Variants in RPL31 observed in about 807,000 individuals in gnomAD.
RPL31 encodes the protein ribosomal protein L31.
For missense variants in RPL31, 95 were observed against 164.0 expected (o/e 0.58, Z 2.30); for synonymous variants, 51 against 55.0 (o/e 0.93, Z 0.32).
chr2:101,002,849 G>C (rs1043996332), intron 2 of RPL31, 41 bp downstream of exon 2: 1 of 1,458,194 alleles, frequency 6.9e-7, no homozygotes, highest in Non-Finnish European at 9.6e-7. Context: ...GAACTCACGC[G>C]TCTGGTTGTT....
rs143543375 is a variant in RPL31 at position 101,004,125 on chromosome 2, C to G, written c.108-33C>G. On this transcript the variant is annotated intron_variant, in intron 2 of 4. Transcript: ENST00000264258. ...CATGTACCTAATTTAGTTTTGTGCT[C>G]CTTTAATTTGTTCACTTATGTTTGA... 6.2e-6 allele frequency: 10 copies of G among 1,606,536 alleles called. No individual in the cohort carries two copies. In the South Asian group the frequency reaches 1.1e-4, roughly 18 times the overall value.
At chr2:101,015,046 ACAT>A (rs1679514327) in intron 4 of RPL31, among the ~76,000 whole-genome samples, 1 of 152,062 alleles carries the variant, frequency 6.6e-6, no homozygotes, top group Admixed American at 6.5e-5. Context: ...CATTGTGCAA[ACAT>A]CATACAGTGG....
downstream of RPL31, chr2:101,008,240 T>G (rs1352573898): frequency 6.4e-7 from 1 of 1,567,180 alleles, no homozygotes; most frequent in East Asian, 2.3e-5. Context: ...TGGAACATAC[T>G]GTACAGAGTT....
rs1305928935 is a variant in RPL31 at position 101,017,773 on chromosome 2, CA to C, written c.347-1221del. ...AGTGACAAAAAGGATAAGATGTTAC[CA>C]AAATCTTGACAAGCTCAGGACTTTT... On this transcript the variant is annotated intron_variant, in intron 4 of 4. Coordinates refer to the RPL31 transcript ENST00000409028. 37 of 1,468,426 alleles carry C rather than the reference CA, an allele frequency of 2.5e-5. No homozygotes were observed. In the Admixed American group the frequency reaches 2.7e-4, roughly 11 times the overall value. The allele number at this position is 1,468,426 out of a possible 1,614,324, so 91.0% of individuals were successfully genotyped here. A position where few individuals can be genotyped will look rare whatever the true frequency, so the allele number is the denominator to read the frequency against.
At chr2:101,014,834 T>G (rs921404840) in intron 4 of RPL31, among the ~76,000 whole-genome samples, 1 of 152,184 alleles carries the variant, frequency 6.6e-6, no homozygotes, top group East Asian at 1.9e-4. Flanking sequence ...ATAACTTGAG[T>G]GCCAAACTTC....
chr2:101,009,907 C>T (rs1188124330), downstream of RPL31, among the ~76,000 whole-genome samples: 2 of 151,004 alleles, frequency 1.3e-5, no homozygotes, highest in African/African-American at 2.4e-5. Context: ...CTGCAAGCTC[C>T]GCCTCCCGGG....
chr2:101,015,654 G>A (rs1015978653), intron 4 of RPL31, among the ~76,000 whole-genome samples: 18 of 152,182 alleles, frequency 1.2e-4, no homozygotes, highest in Middle Eastern at 3.4e-3. Context: ...GAGGCATCAC[G>A]CTACGTGACT....
In RPL31 at chr2:101,012,511, C is replaced by T. The variant is rs554104699; in HGVS notation, c.346+6440C>T. Among the ~76,000 whole-genome samples the T allele has an allele frequency of 2.1e-4, 32 of 152,000 alleles. No homozygotes were observed. The East Asian group carries it at 4.5e-3, about 21-fold the overall frequency. Reference sequence around the variant, plus strand: ...ATCTACAGAAACAGAAAGCTGCCTACGGCTGGGGAAAATGGATACACTGGT... The same window carrying T: ...ATCTACAGAAACAGAAAGCTGCCTATGGCTGGGGAAAATGGATACACTGGT... On this transcript the variant is annotated intron_variant, in intron 4 of 4. Coordinates refer to the RPL31 transcript ENST00000409028.
Position 101,006,469 on chromosome 2 carries a change from A to C in RPL31, c.*88A>C. 8.2e-7 allele frequency: 1 copy of C among 1,225,250 alleles called. No homozygotes were observed. The allele number at this position is 1,225,250 out of a possible 1,614,324, so 75.9% of individuals were successfully genotyped here. A position where few individuals can be genotyped will look rare whatever the true frequency, so the allele number is the denominator to read the frequency against. On this transcript the variant is annotated 3_prime_UTR_variant, in exon 5 of 5. Coordinates refer to ENST00000264258, the MANE Select transcript of RPL31 (RefSeq NM_000993.5). ...GCAACATAATGTACTTGTATACCCTATCCTAATTATGGGATCATTTGAAGA... is the reference window on the plus strand; with the variant it reads ...GCAACATAATGTACTTGTATACCCTCTCCTAATTATGGGATCATTTGAAGA...
intron 1 of RPL31, 63 bp from the exon 2 acceptor site, chr2:101,002,639 G>A: frequency 1.5e-6 from 2 of 1,326,332 alleles, no homozygotes; most frequent in South Asian, 2.4e-5. Context: ...GTGAGGCTGG[G>A]AGGGAGGACT....
At chr2:101,003,539 T>G (rs150668433) in intron 2 of RPL31, among the ~76,000 whole-genome samples, 27 of 152,338 alleles carry the variant, frequency 1.8e-4, no homozygotes, top group African/African-American at 6.0e-4. Flanking sequence ...TACCATCTGA[T>G]GTACTCAATA....
chr2:101,012,147 C>T (rs1345410354), downstream of RPL31, among the ~76,000 whole-genome samples: 1 of 152,180 alleles, frequency 6.6e-6, no homozygotes, highest in South Asian at 2.1e-4. Flanking sequence ...CTTTAGTAAA[C>T]AGTCTGGCAG....
chr2:101,010,968 T>A (rs1175682507), downstream of RPL31: 1 of 1,613,066 alleles, frequency 6.2e-7, no homozygotes. Flanking sequence ...TTTTATCTTT[T>A]TCTTTGGCTA....
chr2:101,007,588 T>C (rs1224905719), downstream of RPL31: 8 of 513,488 alleles, frequency 1.6e-5, no homozygotes, highest in Middle Eastern at 5.0e-4. Context: ...CCGGTAAAAA[T>C]TGTAAGTTGG....
intron 4 of RPL31, among the ~76,000 whole-genome samples, chr2:101,013,935 T>C (rs543756608): frequency 3.9e-5 from 6 of 152,350 alleles, no homozygotes; most frequent in African/African-American, 9.6e-5. Flanking sequence ...AATCAAATTA[T>C]AGCAGCGAGG....
At chr2:101,002,341 C>T (rs1215475528) in intron 1 of RPL31, 26 bp downstream of exon 1, 2 of 218,946 alleles carry the variant, frequency 9.1e-6, no homozygotes, top group Non-Finnish European at 1.8e-5. Flanking sequence ...GGAGTCTGGG[C>T]TCCTGGAATC....
chr2:101,009,966 C>T (rs1319398634), downstream of RPL31, among the ~76,000 whole-genome samples: 7 of 151,812 alleles, frequency 4.6e-5, no homozygotes, highest in South Asian at 2.1e-4. Context: ...GGACTACAGG[C>T]GCCCGCCACC....
At chr2:101,007,812 G>C, downstream of RPL31, 1 of 1,611,918 alleles carries the variant, frequency 6.2e-7, no homozygotes, top group Non-Finnish European at 8.5e-7. Context: ...CATAGCAGCT[G>C]CTGTCTTGCT....
downstream of RPL31, chr2:101,011,022 A>C: frequency 6.2e-7 from 1 of 1,611,852 alleles, no homozygotes; most frequent in Non-Finnish European, 8.5e-7. Context: ...AATCAACTGC[A>C]TCACCTTGAA....
Sources: gnomAD v4.1 joint callset for allele counts (sites outside exome capture counted in the v4.1 genomes callset) on GRCh38, gnomAD v4.1.1 for gene constraint, MANE v1.5 for transcripts, NCBI Gene and HGNC (gene_info 2026-07-23, HGNC 2026-07-21) for gene names.